The following PARD3B variants were observed in gnomAD, a reference collection of about 807,000 sequenced individuals.
PARD3B encodes partitioning defective 3 homolog B.
PARD3B carries 103 observed loss-of-function variants against 130.2 expected under a neutral mutation model. That is an observed-to-expected ratio of 0.79 (90% confidence interval 0.67 to 0.93). PARD3B has a LOEUF of 0.93. Among genes scored for constraint, PARD3B ranks in the 40% least tolerant of loss-of-function variants. PARD3B has a pLI of 0.00. For synonymous variants in PARD3B, 583 were observed against 553.2 expected (o/e 1.05, Z -0.76); for missense variants, 1,609 against 1,499.2 (o/e 1.07, Z -1.21).
In PARD3B at chr2:205,253,243, T is replaced by G; in HGVS notation, c.2185+7421T>G. The G allele has an allele frequency of 6.8e-6, 3 of 441,004 alleles. No individual in the cohort carries two copies. In the Admixed American group the frequency reaches 7.3e-5, roughly 11 times the overall value. The allele number at this position is 441,004 out of a possible 1,614,324, so 27.3% of individuals were successfully genotyped here. ...GGCATTTACTTCTTGATAACAAGAG[T>G]GAGAAGATAGAGACAGGGTAGATAG... On this transcript the variant is annotated intron_variant, in intron 16 of 22. Transcript: ENST00000406610. This position sits in a 1 kb window ranked among gnomAD's most constrained non-coding sequence, Gnocchi z 4.4.
At chr2:205,123,271 C>A (rs1296459134) in intron 8 of PARD3B, among the ~76,000 whole-genome samples, 2 of 152,254 alleles carry the variant, frequency 1.3e-5, no homozygotes, top group East Asian at 1.9e-4. Context: ...TCAGCCAGAG[C>A]AAGTTGCATA....
chr2:205,257,408 A>G (rs1333852101), intron 16 of PARD3B, among the ~76,000 whole-genome samples: 1 of 152,046 alleles, frequency 6.6e-6, no homozygotes, highest in Non-Finnish European at 1.5e-5. Context: ...GTTTTGTAAA[A>G]TATCATGGCA....
rs1379871907 is a variant in PARD3B at position 204,903,990 on chromosome 2, C to G, written c.223-61162C>G. ...ATATCCCGTTTGCTATTGAATGCTA[C>G]TTGAAAGAAAATTATTGATCTATAC... On this transcript the variant is annotated intron_variant, in intron 2 of 22. Coordinates refer to ENST00000406610, the MANE Select transcript of PARD3B (RefSeq NM_001302769.2). Among the ~76,000 whole-genome samples, 3 of 152,176 alleles carry G rather than the reference C, an allele frequency of 2.0e-5. No individual in the cohort carries two copies. The South Asian group carries it at 6.2e-4, about 31-fold the overall frequency.
intron 22 of PARD3B, among the ~76,000 whole-genome samples, chr2:205,606,084 T>A (rs2054984113): frequency 6.6e-6 from 1 of 151,154 alleles, no homozygotes; most frequent in Non-Finnish European, 1.5e-5. Flanking sequence ...CCAAACCATC[T>A]AGTCTCCCTG....
chr2:205,311,936 T>C (rs2042401150), intron 18 of PARD3B, among the ~76,000 whole-genome samples: 3 of 152,204 alleles, frequency 2.0e-5, no homozygotes, highest in African/African-American at 7.2e-5. Flanking sequence ...GTATTCTTAA[T>C]GCGTGGCTCA....
At chr2:204,657,409 G>A (rs997469345) in intron 1 of PARD3B, among the ~76,000 whole-genome samples, 9 of 152,126 alleles carry the variant, frequency 5.9e-5, no homozygotes, top group Non-Finnish European at 1.2e-4. Context: ...GGGAGACTGA[G>A]GTCAAAGGAT....
At chr2:205,504,813 A>G (rs1214813436) in intron 21 of PARD3B, among the ~76,000 whole-genome samples, 1 of 152,222 alleles carries the variant, frequency 6.6e-6, no homozygotes, top group Non-Finnish European at 1.5e-5. Context: ...CAGTTCAAGC[A>G]TTGTGGAAGT....
At chr2:205,419,066 C>G (rs1449381521) in intron 19 of PARD3B, among the ~76,000 whole-genome samples, 2 of 152,024 alleles carry the variant, frequency 1.3e-5, no homozygotes, top group Admixed American at 6.6e-5. Context: ...TATATACATA[C>G]AGTAATACAG....
chr2:204,723,093 C>G (rs759440971), intron 2 of PARD3B, among the ~76,000 whole-genome samples: 13 of 152,072 alleles, frequency 8.5e-5, no homozygotes, highest in Non-Finnish European at 1.5e-4. Context: ...CCTGAGTCAC[C>G]TTTCTTAATT....
rs145041535 is a variant in PARD3B at position 205,266,877 on chromosome 2, A to C, written c.2185+21055A>C. Among the ~76,000 whole-genome samples the C allele has an allele frequency of 5.2e-3, 797 of 152,224 alleles. 9 individuals carry two copies. The highest frequency in any genetic ancestry group is 0.018 in the African/African-American group (749 of 41,554). ...GGTTGAGGGAATATAAGTGATTTTC[A>C]ATAAGATATGCCAGTTTTAGGGCTT... On this transcript the variant is annotated intron_variant, in intron 16 of 22. Coordinates refer to ENST00000406610, the MANE Select transcript of PARD3B (RefSeq NM_001302769.2).
chr2:204,702,152 A>G (rs1574749526), intron 2 of PARD3B, among the ~76,000 whole-genome samples: 1 of 152,140 alleles, frequency 6.6e-6, no homozygotes, highest in East Asian at 1.9e-4. Context: ...CCATTGATGG[A>G]CACCTGGGTT....
chr2:204,613,749 A>G (rs1413729262), intron 1 of PARD3B, among the ~76,000 whole-genome samples: 1 of 152,100 alleles, frequency 6.6e-6, no homozygotes, highest in African/African-American at 2.4e-5. Context: ...CCTTTTAAGC[A>G]TAGCTATTGT....
chr2:205,390,930 T>A (rs1386577565), intron 18 of PARD3B, among the ~76,000 whole-genome samples: 2 of 152,178 alleles, frequency 1.3e-5, no homozygotes, highest in Admixed American at 6.5e-5. Context: ...TTAGCCCTTG[T>A]TGGATTTATT....
At chr2:204,574,564 T>C (rs1051535943) in intron 1 of PARD3B, among the ~76,000 whole-genome samples, 3 of 152,236 alleles carry the variant, frequency 2.0e-5, no homozygotes, top group African/African-American at 7.2e-5. Flanking sequence ...GTGTGGGCTC[T>C]TGAGCAAGAT....
chr2:205,213,545 A>T (rs1279866482), intron 15 of PARD3B, among the ~76,000 whole-genome samples: 1 of 152,182 alleles, frequency 6.6e-6, no homozygotes, highest in African/African-American at 2.4e-5. Context: ...GATTTGGCTC[A>T]TCTTACTATC....
chr2:204,655,882 G>A (rs2125175428), intron 1 of PARD3B, among the ~76,000 whole-genome samples: 1 of 152,230 alleles, frequency 6.6e-6, no homozygotes, highest in South Asian at 2.1e-4. Flanking sequence ...CCACAGGCTG[G>A]AAATTTGTCT....
chr2:204,781,868 T>G (rs1354605361), intron 2 of PARD3B, among the ~76,000 whole-genome samples: 2 of 152,076 alleles, frequency 1.3e-5, no homozygotes, highest in Non-Finnish European at 2.9e-5. Context: ...GGCTGTTTAT[T>G]TGTTGTTATT....
rs1056249832 is a variant in PARD3B at position 205,591,755 on chromosome 2, A to G, written c.3261-23701A>G. On this transcript the variant is annotated intron_variant, in intron 22 of 22. Transcript: ENST00000406610. This position sits in a 1 kb window ranked among gnomAD's most constrained non-coding sequence, Gnocchi z 4.2. Reference sequence around the variant, plus strand: ...GGGAATCAGGAGGGACCCCAGTCAGATGAGATAAAAAGAGAAGGTCTGGTG... The same window carrying G: ...GGGAATCAGGAGGGACCCCAGTCAGGTGAGATAAAAAGAGAAGGTCTGGTG... Among the ~76,000 whole-genome samples the G allele has an allele frequency of 2.0e-5, 3 of 152,222 alleles. No homozygotes were observed. Among genetic ancestry groups the G allele is most frequent in the Admixed American group, 6.5e-5 (1 of 15,290 alleles).
chr2:205,242,995 C>T (rs1475546645), intron 15 of PARD3B, among the ~76,000 whole-genome samples: 1 of 151,980 alleles, frequency 6.6e-6, no homozygotes, highest in East Asian at 1.9e-4. Context: ...GGAGAAACCC[C>T]GTCTCTACTA....
Sources: allele counts gnomAD v4.1 joint callset (sites outside exome capture counted in the v4.1 genomes callset), GRCh38; gene constraint gnomAD v4.1.1; non-coding constraint Gnocchi (gnomAD v3.1); transcripts MANE v1.5; gene names NCBI Gene and HGNC (gene_info 2026-07-23, HGNC 2026-07-21).